Variants in BTAF1 observed in about 807,000 individuals in gnomAD.
The protein encoded by BTAF1 is TATA-binding protein-associated factor 172.
BTAF1 carries 38 observed loss-of-function variants against 227.1 expected under a neutral mutation model. The ratio of observed to expected loss-of-function variants is 0.17; its 90% CI spans 0.13 to 0.22. The LOEUF is 0.22. Among genes scored for constraint, BTAF1 ranks in the 10% least tolerant of loss-of-function variants. BTAF1 has a pLI of 1.00. For missense variants in BTAF1, 1,598 were observed against 2,204.0 expected (o/e 0.73, Z 5.51); for synonymous variants, 742 against 751.9 (o/e 0.99, Z 0.21).
intron 14 of BTAF1, among the ~76,000 whole-genome samples, chr10:91,975,674 A>C (rs1251331534): frequency 1.3e-5 from 2 of 152,204 alleles, no homozygotes; most frequent in African/African-American, 4.8e-5. Context: ...GGTAGAAATG[A>C]TGAATTGGCC....
At chr10:91,951,734 T>A (rs1304924708) in intron 5 of BTAF1, among the ~76,000 whole-genome samples, 168 bp downstream of exon 5, 1 of 152,218 alleles carries the variant, frequency 6.6e-6, no homozygotes, top group Non-Finnish European at 1.5e-5. Context: ...GATGACAGAT[T>A]CTATAGAGTT....
intron 8 of BTAF1, 93 bp from the exon 9 acceptor site, chr10:91,958,972 A>T (rs1490464005): frequency 1.5e-5 from 17 of 1,105,012 alleles, no homozygotes; most frequent in Non-Finnish European, 2.0e-5. Context: ...CTAATTTCTT[A>T]AAAATCCAGT....
At chr10:91,959,947 A>G (rs1846386973) in intron 10 of BTAF1, 31 bp from the exon 11 acceptor site, 1 of 1,599,904 alleles carries the variant, frequency 6.3e-7, no homozygotes, top group Non-Finnish European at 8.5e-7. Flanking sequence ...GTTTTTTGCA[A>G]ATATGAGTTT....
chr10:91,945,903 A>G (rs919754601), intron 4 of BTAF1, among the ~76,000 whole-genome samples: 4 of 152,186 alleles, frequency 2.6e-5, no homozygotes, highest in Non-Finnish European at 5.9e-5. Context: ...TTCTACCAAC[A>G]GTACACAAGG....
rs373733991 is a variant in BTAF1 at position 91,982,089 on chromosome 10, A to T, written c.1912A>T (p.Thr638Ser). 122 of 1,610,130 alleles carry T rather than the reference A, an allele frequency of 7.6e-5. No homozygotes were observed. Among genetic ancestry groups the T allele is most frequent in the Non-Finnish European group, 1.0e-4 (119 of 1,178,198 alleles). ...TTTTCCCCTCCCTCTGTAGGAAAAA[A>T]CAGGTGGTAAGGTGCGCCAAGGCCA... Reference protein sequence around the residue: ...LEVKARAKEKTGGKVRQGQSQ... With the variant: ...LEVKARAKEKSGGKVRQGQSQ... Residue 638 changes from threonine (T) to serine (S), a missense_variant, in exon 17 of 38, where the codon ACA becomes TCA. Transcript: ENST00000265990.
chr10:91,981,612 T>A (rs369899636), intron 15 of BTAF1, 31 bp from the exon 16 acceptor site: 23 of 1,547,288 alleles, frequency 1.5e-5, no homozygotes, highest in African/African-American at 4.2e-5. Context: ...TTAGAAAAAA[T>A]TCACTTTCAT....
chr10:92,015,117 A>T (rs1589975958), intron 32 of BTAF1, among the ~76,000 whole-genome samples: 2 of 152,204 alleles, frequency 1.3e-5, no homozygotes, highest in Non-Finnish European at 2.9e-5. Flanking sequence ...TTCATTACCT[A>T]AAAATGTTCA....
chr10:92,018,731 T>C, intron 33 of BTAF1, 52 bp from the exon 34 acceptor site: 1 of 1,348,744 alleles, frequency 7.4e-7, no homozygotes, highest in Non-Finnish European at 9.8e-7. Context: ...GAGATAAAAA[T>C]ATTTGTGATA....
chr10:91,987,112 CT>C (rs11347841), intron 19 of BTAF1, among the ~76,000 whole-genome samples: 69,513 of 114,848 alleles, frequency 0.61, 21,273 homozygotes, highest in Non-Finnish European at 0.74. Context: ...CAAAAACTGG[CT>C]TTTTTTTTTT....
chr10:91,952,019 G>A (rs1845798471), intron 5 of BTAF1, among the ~76,000 whole-genome samples: 1 of 151,392 alleles, frequency 6.6e-6, no homozygotes, highest in Admixed American at 6.6e-5. Flanking sequence ...GTAAAAGGAA[G>A]TTTTTTGCCA....
At chr10:91,924,156 C>T in intron 1 of BTAF1, 66 bp downstream of exon 1, 3 of 1,576,208 alleles carry the variant, frequency 1.9e-6, no homozygotes, top group Non-Finnish European at 2.6e-6. Context: ...CCTCTTAGAG[C>T]CCCCACTCCT....
At chr10:91,941,256 T>C (rs1487784610) in intron 3 of BTAF1, among the ~76,000 whole-genome samples, 5 of 152,184 alleles carry the variant, frequency 3.3e-5, no homozygotes, top group Non-Finnish European at 5.9e-5. Flanking sequence ...AAAGACTTAA[T>C]TTTTTTAAAA....
In BTAF1 at chr10:91,925,432, G is replaced by A. The variant is rs192898396; in HGVS notation, c.14+1342G>A. Among the ~76,000 whole-genome samples, 4 of 151,718 alleles carry A rather than the reference G, an allele frequency of 2.6e-5. No individual in the cohort carries two copies. In the East Asian group the frequency reaches 7.7e-4, roughly 29 times the overall value. On this transcript the variant is annotated intron_variant, in intron 1 of 37. Coordinates refer to ENST00000265990, the MANE Select transcript of BTAF1 (RefSeq NM_003972.3). ...TACTTCTTTTCTTAGAGCAACCTGT[G>A]CATTTTCACAGGATTGGATGTAGCT... is the stretch of plus-strand genomic sequence containing the variant.
chr10:91,944,150 C>T (rs543208319), intron 4 of BTAF1, among the ~76,000 whole-genome samples: 1 of 58,468 alleles, frequency 1.7e-5, no homozygotes, highest in African/African-American at 5.0e-5. Context: ...GAAACTCTGT[C>T]TCCAAATAAA....
intron 4 of BTAF1, among the ~76,000 whole-genome samples, chr10:91,947,756 A>AG: frequency 6.9e-6 from 1 of 144,044 alleles, no homozygotes; most frequent in Non-Finnish European, 1.5e-5. Flanking sequence ...AAAAAAAAAA[A>AG]AGCCAGCTGG....
At position 91,942,908 on chromosome 10, in the gene BTAF1, C is replaced by T. The variant is rs140004974; in HGVS notation, c.400+340C>T. ...TTATAAAATCAGGATTAGTATAGAT[C>T]GTGGTAGTGTTTTCACAATTCTGGA... On this transcript the variant is annotated intron_variant, in intron 4 of 37. Coordinates refer to ENST00000265990, the MANE Select transcript of BTAF1 (RefSeq NM_003972.3). Among the ~76,000 whole-genome samples, 165 of 152,158 alleles carry T rather than the reference C, an allele frequency of 1.1e-3. 1 individual carries two copies. Among genetic ancestry groups the T allele is most frequent in the African/African-American group, 3.3e-3 (139 of 41,496 alleles).
At chr10:92,018,506 A>C (rs113612126) in intron 33 of BTAF1, among the ~76,000 whole-genome samples, 9 of 152,306 alleles carry the variant, frequency 5.9e-5, no homozygotes, top group African/African-American at 2.2e-4. Context: ...AACAACTAAG[A>C]CGCTCAATTT....
At chr10:91,949,011 T>C (rs533518240) in intron 4 of BTAF1, among the ~76,000 whole-genome samples, 4 of 152,188 alleles carry the variant, frequency 2.6e-5, no homozygotes, top group African/African-American at 7.2e-5. Context: ...TATTAGTTGC[T>C]TACGAATCTT....
chr10:92,006,681 C>T (rs1849910228), intron 25 of BTAF1, among the ~76,000 whole-genome samples: 1 of 152,156 alleles, frequency 6.6e-6, no homozygotes, highest in Non-Finnish European at 1.5e-5. Flanking sequence ...TGAATTTTAT[C>T]AGTGACAACA....
Sources: gnomAD v4.1 joint callset for allele counts (sites outside exome capture counted in the v4.1 genomes callset) on GRCh38, gnomAD v4.1.1 for gene constraint, MANE v1.5 for transcripts, NCBI Gene and HGNC (gene_info 2026-07-23, HGNC 2026-07-21) for gene names.